SH2D2A: variants seen among roughly 807,000 people sequenced by gnomAD.
The protein encoded by SH2D2A is SH2 domain containing 2A.
SH2D2A carries 33 observed loss-of-function variants against 43.6 expected under a neutral mutation model. That is an observed-to-expected ratio of 0.76 (90% CI 0.57 to 1.01). The LOEUF (loss-of-function observed/expected upper bound fraction) is 1.01. Among genes scored for constraint, SH2D2A ranks in the 50% least tolerant of loss-of-function variants. The pLI is 0.00. For synonymous variants in SH2D2A, 212 were observed against 206.1 expected (o/e 1.03, Z -0.25); for missense variants, 491 against 503.1 (o/e 0.98, Z 0.23).
intron 5 of SH2D2A, among the ~76,000 whole-genome samples, chr1:156,811,916 ACT>A (rs1653448898): frequency 6.6e-6 from 1 of 151,716 alleles, no homozygotes; most frequent in African/African-American, 2.4e-5. Context: ...AGTGCTGGTG[ACT>A]CTCAATATTT....
chr1:156,814,214 A>G lies in SH2D2A; in HGVS notation c.389T>C (p.Leu130Pro). The change falls in exon 4 of 9, where the codon CTG becomes CCG. Residue 130 changes from leucine (L) to proline (P), a missense_variant. Coordinates refer to ENST00000368199, the MANE Select transcript of SH2D2A (RefSeq NM_003975.4). ...GGGCCTCGCCCCTCACCTGTAAGTC[A>G]GCACGAAGGTCACCGCGCTCTCGCT... Reference protein sequence around the residue: ...RFSESAVTFVLTYRSRTCCRH... With the variant: ...RFSESAVTFVPTYRSRTCCRH... 2 of 1,613,664 alleles carry G rather than the reference A, an allele frequency of 1.2e-6. No individual in the cohort carries two copies. Among genetic ancestry groups the G allele is most frequent in the Non-Finnish European group, 1.7e-6 (2 of 1,179,918 alleles).
rs762914535 is a variant in SH2D2A, at chr1:156,816,662, A to G, written c.34+13T>C. ...TGCCCCCTCCCACCCATATCCTTCA[A>G]CTTCACACTTACCTTGGGGACATAT... On this transcript the variant is annotated intron_variant, in intron 1 of 8. Coordinates refer to ENST00000368199, the MANE Select transcript of SH2D2A (RefSeq NM_003975.4). 1.2e-6 allele frequency: 2 copies of G among 1,601,932 alleles called. No individual in the cohort carries two copies. Among genetic ancestry groups the G allele is most frequent in the Non-Finnish European group, 1.7e-6 (2 of 1,173,740 alleles).
intron 1 of SH2D2A, 186 bp from the exon 2 acceptor site, chr1:156,816,280 G>T (rs1325148941): frequency 6.1e-6 from 3 of 494,986 alleles, no homozygotes; most frequent in East Asian, 1.5e-4. Context: ...GGCATGGGGG[G>T]CTAATGCTGC....
Position 156,809,455 on chromosome 1 carries a change from G to T in SH2D2A, c.750C>A (p.Pro250=). ...SQLLRPKPPI[P]AKPQLPPEVY... is the part of the protein sequence containing the mutation. Reference sequence around the variant, plus strand: ...CTTCTGGGGGCAGCTGAGGTTTGGCGGGGATGGGAGGCTTGGGCCTGAGCA... The same window carrying T: ...CTTCTGGGGGCAGCTGAGGTTTGGCTGGGATGGGAGGCTTGGGCCTGAGCA... The change falls in exon 7 of 9, where the codon CCC becomes CCA. Residue 250 remains proline (P), a synonymous_variant. Transcript: ENST00000368199. This position sits in a 1 kb window ranked among gnomAD's most constrained non-coding sequence, Gnocchi z 4.8. 6.2e-7 allele frequency: 1 copy of T among 1,610,598 alleles called. No homozygotes were observed.
rs939861421 is a variant in SH2D2A, at chr1:156,814,376, C to A, written c.309-82G>T. On this transcript the variant is annotated intron_variant, in intron 3 of 8. Coordinates refer to ENST00000368199, the MANE Select transcript of SH2D2A (RefSeq NM_003975.4). ...CTGTCTCCCCGGCTCTCACGAGGAACCCCTACCCCCAAGCAAGCATGCTGG... is the reference window on the plus strand; with the variant it reads ...CTGTCTCCCCGGCTCTCACGAGGAAACCCTACCCCCAAGCAAGCATGCTGG... 35 of 1,545,850 alleles carry A rather than the reference C, an allele frequency of 2.3e-5. No individual in the cohort carries two copies. In the Admixed American group the frequency reaches 6.3e-4, roughly 28 times the overall value.
At chr1:156,812,850 T>A (rs1653516903) in intron 5 of SH2D2A, among the ~76,000 whole-genome samples, 1 of 152,212 alleles carries the variant, frequency 6.6e-6, no homozygotes, top group African/African-American at 2.4e-5. Flanking sequence ...CCTTCTAGAA[T>A]GGAAGCTCTT....
intron 1 of SH2D2A, 77 bp from the exon 2 acceptor site, chr1:156,816,171 G>A: frequency 6.6e-7 from 1 of 1,514,066 alleles, no homozygotes; most frequent in Non-Finnish European, 8.8e-7. Flanking sequence ...CCTCCTCCCA[G>A]GCTCAGGGGA....
Position 156,807,334 on chromosome 1 carries a change from G to A in SH2D2A, c.1014C>T (p.Gly338=). 1 of 1,562,818 alleles carries A rather than the reference G, an allele frequency of 6.4e-7. No homozygotes were observed. The highest frequency in any genetic ancestry group is 1.8e-5 in the Admixed American group (1 of 55,120). Residue 338 remains glycine, a synonymous_variant, in exon 8 of 9, where the codon GGC becomes GGT. Coordinates refer to ENST00000368199, the MANE Select transcript of SH2D2A (RefSeq NM_003975.4). The surrounding 1 kb of genome is among the most constrained non-coding windows in gnomAD (Gnocchi z 5.1). The stretch of plus-strand genomic sequence containing the variant: ...CAGAGTTCTCAGAATGCAGCTGGGA[G>A]CCACCTGTATTCTGCAGAGAGAAGG... ...RPVPGGQNTG[G]SQLHSENSVI...
chr1:156,808,206 A>ATGAGTGGCTTACTGGGGGAG (rs1653108240), intron 7 of SH2D2A, among the ~76,000 whole-genome samples: 1 of 152,106 alleles, frequency 6.6e-6, no homozygotes, highest in African/African-American at 2.4e-5. Context: ...TCCAGCAGGA[A>ATGAGTGGCTTACTGGGGGAG]TGAGTGGCTT....
chr1:156,809,348 G>A lies in SH2D2A; in HGVS notation c.857C>T (p.Pro286Leu). Residue 286 changes from proline (P) to leucine (L), a missense_variant, in exon 7 of 9, where the codon CCC becomes CTC. Coordinates refer to ENST00000368199, the MANE Select transcript of SH2D2A (RefSeq NM_003975.4). This position sits in a 1 kb window ranked among gnomAD's most constrained non-coding sequence, Gnocchi z 4.8. ...SNPIYNEPDE[P>L]IAFYAMGRGS... ...CCGGCCCATGGCATAGAAAGCTATG[G>A]GTTCATCAGGCTCATTGTAGATAGG... 6.2e-7 allele frequency: 1 copy of A among 1,614,168 alleles called. No individual in the cohort carries two copies. The highest frequency in any genetic ancestry group is 1.1e-5 in the South Asian group (1 of 91,076).
intron 7 of SH2D2A, among the ~76,000 whole-genome samples, chr1:156,808,244 T>G (rs1653113963): frequency 6.6e-6 from 1 of 152,114 alleles, no homozygotes; most frequent in Non-Finnish European, 1.5e-5. Context: ...GGAGCTGTGC[T>G]GAGGGAGCCC....
chr1:156,814,103 CG>C, intron 4 of SH2D2A, 87 bp from the exon 5 acceptor site: 1 of 1,521,720 alleles, frequency 6.6e-7, no homozygotes. Flanking sequence ...TTCAGCAGCC[CG>C]GGGAATGAGC....
Position 156,809,335 on chromosome 1 carries a change from A to G in SH2D2A, c.870T>C (p.Tyr290=). 1 of 1,614,154 alleles carries G rather than the reference A, an allele frequency of 6.2e-7. No individual in the cohort carries two copies. Among genetic ancestry groups the G allele is most frequent in the Non-Finnish European group, 8.5e-7 (1 of 1,179,998 alleles). ...CCCCAGGGCTGCCCCGGCCCATGGC[A>G]TAGAAAGCTATGGGTTCATCAGGCT... The part of the protein sequence containing the change: ...YNEPDEPIAF[Y]AMGRGSPGEA... Residue 290 remains tyrosine (Y), a synonymous_variant, in exon 7 of 9, where the codon TAT becomes TAC. Coordinates refer to ENST00000368199, the MANE Select transcript of SH2D2A (RefSeq NM_003975.4). The surrounding 1 kb of genome is among the most constrained non-coding windows in gnomAD (Gnocchi z 4.8).
rs41313896 is a variant in SH2D2A, at chr1:156,809,326, G to A, written c.879C>T (p.Gly293=). The A allele has an allele frequency of 4.3e-3, 7,018 of 1,614,168 alleles. 26 individuals are homozygous for A. The highest frequency in any genetic ancestry group is 5.1e-3 in the Non-Finnish European group (6,037 of 1,180,012). Residue 293 remains glycine, a synonymous_variant, in exon 7 of 9, where the codon GGC becomes GGT. Transcript: ENST00000368199. This position sits in a 1 kb window ranked among gnomAD's most constrained non-coding sequence, Gnocchi z 4.8. ...PDEPIAFYAM[G]RGSPGEAPSN... ...TGGGGGCTTCCCCAGGGCTGCCCCG[G>A]CCCATGGCATAGAAAGCTATGGGTT...
chr1:156,808,962 G>T (rs564290898), intron 7 of SH2D2A, among the ~76,000 whole-genome samples: 25 of 152,278 alleles, frequency 1.6e-4, no homozygotes, highest in African/African-American at 5.3e-4. Flanking sequence ...TTCTGTGTGA[G>T]ATAGGAGGGC....
At chr1:156,815,496 C>G in intron 2 of SH2D2A, 1 of 591,238 alleles carries the variant, frequency 1.7e-6, no homozygotes, top group South Asian at 2.1e-5. Flanking sequence ...CTAGGAGGGG[C>G]GGGAAAGGCA....
At chr1:156,815,245 AG>A in intron 2 of SH2D2A, 24 bp from the exon 3 acceptor site, 9 of 1,449,674 alleles carry the variant, frequency 6.2e-6, no homozygotes, top group Non-Finnish European at 8.2e-6. Flanking sequence ...GAGTTCAAGG[AG>A]GGGGAAGCAG....
In SH2D2A at chr1:156,807,460, A is replaced by G; in HGVS notation, c.1003-115T>C. 2 of 807,592 alleles carry G rather than the reference A, an allele frequency of 2.5e-6. No homozygotes were observed. The highest frequency in any genetic ancestry group is 6.1e-5 in the Admixed American group (2 of 32,534). 50.0% of individuals were successfully genotyped at this position (807,592 alleles called of 1,614,324 possible). ...CTTTGGCTTCCAGAGAGGGTATCTA[A>G]ACTCCTCTCATTCATTAATTCAACA... On this transcript the variant is annotated intron_variant, in intron 7 of 8. Coordinates refer to ENST00000368199, the MANE Select transcript of SH2D2A (RefSeq NM_003975.4). The surrounding 1 kb of genome is among the most constrained non-coding windows in gnomAD (Gnocchi z 5.1).
chr1:156,807,547 G>A lies in SH2D2A; in HGVS notation c.1003-202C>T, dbSNP rs1653057720. On this transcript the variant is annotated intron_variant, in intron 7 of 8. Transcript: ENST00000368199. The surrounding 1 kb of genome is among the most constrained non-coding windows in gnomAD (Gnocchi z 5.1). ...GGCTGGGTGCTTTGGAAACAGATGGGTAAGTCCCAGCCCCTCCCTTCAGGG... is the reference window on the plus strand; with the variant it reads ...GGCTGGGTGCTTTGGAAACAGATGGATAAGTCCCAGCCCCTCCCTTCAGGG... Among the ~76,000 whole-genome samples the A allele has an allele frequency of 1.3e-5, 2 of 152,230 alleles. No individual in the cohort carries two copies. Among genetic ancestry groups the A allele is most frequent in the African/African-American group, 4.8e-5 (2 of 41,460 alleles).
Sources: gnomAD v4.1 joint callset for allele counts (sites outside exome capture counted in the v4.1 genomes callset) on GRCh38, gnomAD v4.1.1 for gene constraint, Gnocchi (gnomAD v3.1) non-coding constraint, MANE v1.5 for transcripts, NCBI Gene and HGNC (gene_info 2026-07-23, HGNC 2026-07-21) for gene names.